CD99L2: variants seen among roughly 807,000 people sequenced by gnomAD.
CD99L2 encodes the protein CD99 molecule like 2.
CD99L2 carries 24 observed loss-of-function variants against 27.3 expected under a neutral mutation model. That is an observed-to-expected ratio of 0.88 (90% CI 0.64 to 1.24). The LOEUF is 1.24. Ranked by LOEUF, CD99L2 falls within the 50% of genes most tolerant of loss-of-function variation. The pLI, the probability that CD99L2 is intolerant of heterozygous loss-of-function variation, is 0.00. For synonymous variants in CD99L2, 97 were observed against 87.9 expected, an observed-to-expected ratio of 1.10 and a Z score of -0.58; for missense variants, 255 against 221.6, an observed-to-expected ratio of 1.15 and a Z score of -0.96.
At chrX:150,793,208 C>T (rs374930256) in intron 7 of CD99L2, among the ~76,000 whole-genome samples, 1 of 112,056 alleles carries the variant, frequency 8.9e-6, no homozygotes, top group Non-Finnish European at 1.9e-5. Flanking sequence ...TACACATGAA[C>T]TCTCTTGAAC....
At chrX:150,782,143 A>G (rs1297401011) in intron 7 of CD99L2, among the ~76,000 whole-genome samples, 2 of 112,621 alleles carry the variant, frequency 1.8e-5, no homozygotes, top group African/African-American at 6.5e-5. Context: ...TAAGTGTTCT[A>G]GACTCTTCTA....
At chrX:150,831,186 A>G in intron 2 of CD99L2, 45 bp downstream of exon 2, 1 of 978,936 alleles carries the variant, frequency 1.0e-6, no homozygotes, top group South Asian at 2.1e-5. Context: ...ATACACATTA[A>G]TCACTACTGT....
intron 2 of CD99L2, among the ~76,000 whole-genome samples, chrX:150,830,789 A>G (rs1358747969): frequency 9.0e-6 from 1 of 111,225 alleles, no homozygotes; most frequent in African/African-American, 3.3e-5. Flanking sequence ...TTTAAATAAT[A>G]CAACCATTTC....
chrX:150,883,996 A>C (rs1557422558), intron 1 of CD99L2, among the ~76,000 whole-genome samples: 2 of 112,004 alleles, frequency 1.8e-5, no homozygotes, highest in Non-Finnish European at 3.8e-5. Flanking sequence ...ACTTTTTTAC[A>C]CTGCTGGTAG....
intron 1 of CD99L2, among the ~76,000 whole-genome samples, chrX:150,837,160 G>T (rs1221885704): frequency 8.9e-6 from 1 of 112,084 alleles, no homozygotes; most frequent in African/African-American, 3.2e-5. Context: ...GGAACCAGGG[G>T]TCCTTGGCTG....
At chrX:150,891,767 C>T (rs7877607) in intron 1 of CD99L2, among the ~76,000 whole-genome samples, 6 of 110,446 alleles carry the variant, frequency 5.4e-5, no homozygotes, top group African/African-American at 6.6e-5. Flanking sequence ...TAGGTGTCTA[C>T]GATGACGTTA....
chrX:150,773,851 C>T (rs920398971), intron 9 of CD99L2, among the ~76,000 whole-genome samples: 11 of 112,463 alleles, frequency 9.8e-5, no homozygotes, highest in Non-Finnish European at 2.1e-4. Context: ...ACAGCTTTGG[C>T]AAACCTCACC....
chrX:150,849,280 G>A (rs1291581451), intron 1 of CD99L2, among the ~76,000 whole-genome samples: 2 of 111,655 alleles, frequency 1.8e-5, no homozygotes, highest in African/African-American at 3.3e-5. Context: ...GGCCAGGCAC[G>A]GTGGCTCATG....
At chrX:150,787,860 G>A (rs892792386) in intron 7 of CD99L2, among the ~76,000 whole-genome samples, 4 of 92,289 alleles carry the variant, frequency 4.3e-5, no homozygotes, top group Non-Finnish European at 4.2e-5. Flanking sequence ...AAACCCGCAC[G>A]TTGTGTACAT....
intron 1 of CD99L2, among the ~76,000 whole-genome samples, chrX:150,852,145 C>T (rs1040109041): frequency 3.6e-5 from 4 of 112,025 alleles, no homozygotes; most frequent in Admixed American, 2.8e-4. Flanking sequence ...GGAAGGTGTG[C>T]CAGGGTGGTG....
At chrX:150,890,493 A>G (rs781978721) in intron 1 of CD99L2, among the ~76,000 whole-genome samples, 212 of 112,007 alleles carry the variant, frequency 1.9e-3, no homozygotes, top group Non-Finnish European at 3.3e-3. Context: ...AAATAATAAT[A>G]TAAATAAAAT....
At chrX:150,877,121 TAAAA>T in intron 1 of CD99L2, among the ~76,000 whole-genome samples, 1 of 64,088 alleles carries the variant, frequency 1.6e-5, no homozygotes, top group Non-Finnish European at 3.1e-5. Context: ...TGTCTCTTAA[TAAAA>T]AAAAAAAAAA....
At chrX:150,793,018 A>G (rs1048570419) in intron 7 of CD99L2, among the ~76,000 whole-genome samples, 10 of 111,752 alleles carry the variant, frequency 8.9e-5, no homozygotes, top group Non-Finnish European at 1.5e-4. Context: ...GGTTACTCAA[A>G]TCTACACACA....
At chrX:150,798,150 G>A (rs2045832469) in intron 4 of CD99L2, among the ~76,000 whole-genome samples, 1 of 40,061 alleles carries the variant, frequency 2.5e-5, no homozygotes, top group South Asian at 2.2e-3. Flanking sequence ...AAGGAAGGGA[G>A]GGAGGGAGGG....
chrX:150,796,060 A>T (rs1195300735), intron 4 of CD99L2, among the ~76,000 whole-genome samples: 1 of 112,602 alleles, frequency 8.9e-6, no homozygotes, highest in African/African-American at 3.2e-5. Flanking sequence ...GGCATTCATG[A>T]ATTTTCCAAA....
chrX:150,858,343 A>G (rs2046925067), intron 1 of CD99L2, among the ~76,000 whole-genome samples: 1 of 112,625 alleles, frequency 8.9e-6, no homozygotes, highest in Non-Finnish European at 1.9e-5. Flanking sequence ...TTGGATTTAA[A>G]CTGGACTTTA....
chrX:150,886,204 C>T lies in CD99L2; in HGVS notation c.67+12318G>A, dbSNP rs781854227. ...ACGATGGCAGAAAACTTTAGTGACT[C>T]GTGAACAATACTGAAAACAGAGCGA... On this transcript the variant is annotated intron_variant, in intron 1 of 10. Coordinates refer to ENST00000370377, the MANE Select transcript of CD99L2 (RefSeq NM_031462.4). 5.3e-5 allele frequency among the ~76,000 whole-genome samples: 6 copies of T among 112,212 alleles called. No individual in the cohort carries two copies. The South Asian group carries it at 1.5e-3, about 28-fold the overall frequency.
intron 2 of CD99L2, among the ~76,000 whole-genome samples, chrX:150,830,402 A>G (rs1289714579): frequency 1.8e-5 from 2 of 110,402 alleles, no homozygotes; most frequent in African/African-American, 6.6e-5. Context: ...AAATTTAAAA[A>G]TTAGCCAGGT....
rs188543882 is a variant in CD99L2 at position 150,893,353 on chromosome X, G to A, written c.67+5169C>T. ...TGCCACTGTTCCAGGGACCACTCCTGAACTCGGGCAGGCAGGGTTAAGCAT... is the reference window on the plus strand; with the variant it reads ...TGCCACTGTTCCAGGGACCACTCCTAAACTCGGGCAGGCAGGGTTAAGCAT... On this transcript the variant is annotated intron_variant, in intron 1 of 10. Transcript: ENST00000370377. 1.7e-4 allele frequency among the ~76,000 whole-genome samples: 19 copies of A among 110,036 alleles called. No homozygotes were observed. In the East Asian group the frequency reaches 2.3e-3, roughly 13 times the overall value.
Sources: allele counts gnomAD v4.1 joint callset (sites outside exome capture counted in the v4.1 genomes callset), GRCh38; gene constraint gnomAD v4.1.1; transcripts MANE v1.5; gene names NCBI Gene and HGNC (gene_info 2026-07-23, HGNC 2026-07-21).